Variants in PDZD2 observed in about 807,000 individuals in gnomAD.
PDZD2 encodes PDZ domain containing 2, also known as PDZ domain-containing protein 2.
PDZD2 carries 90 observed loss-of-function variants against 220.7 expected under a neutral mutation model. The ratio of observed to expected loss-of-function variants is 0.41; its 90% CI spans 0.34 to 0.49. The LOEUF (loss-of-function observed/expected upper bound fraction) is 0.49, where lower values mean the gene tolerates loss of function less well. Ranked by LOEUF, PDZD2 falls within the 20% of genes least tolerant of loss-of-function variation. The pLI is 0.28. For synonymous variants in PDZD2, 1,375 were observed against 1,450.5 expected, an observed-to-expected ratio of 0.95 and a Z score of 1.18; for missense variants, 3,174 against 3,608.5, an observed-to-expected ratio of 0.88 and a Z score of 3.08.
intron 2 of PDZD2, among the ~76,000 whole-genome samples, chr5:31,961,924 T>A (rs63269362): frequency 1.2e-3 from 22 of 19,044 alleles, no homozygotes; most frequent in Non-Finnish European, 3.3e-3. Context: ...TCTCAGCTGC[T>A]TTTTTTTACC....
chr5:31,831,494 A>C (rs1206077898), intron 2 of PDZD2, among the ~76,000 whole-genome samples: 3 of 152,170 alleles, frequency 2.0e-5, no homozygotes, highest in African/African-American at 7.2e-5. Flanking sequence ...CACGCCTATA[A>C]TCCCAGCACT....
intron 1 of PDZD2, among the ~76,000 whole-genome samples, chr5:31,771,221 C>T (rs923851009): frequency 2.6e-5 from 4 of 152,152 alleles, no homozygotes; most frequent in Admixed American, 6.6e-5. Flanking sequence ...CTGTCTGTGA[C>T]TATTTTAATA....
intron 2 of PDZD2, among the ~76,000 whole-genome samples, chr5:31,805,673 AT>A (rs570186060): frequency 6.6e-6 from 1 of 152,166 alleles, no homozygotes; most frequent in Non-Finnish European, 1.5e-5. Flanking sequence ...ACCTTAGATG[AT>A]GTTATGGGTT....
At chr5:31,688,738 T>C (rs1746971359) in intron 1 of PDZD2, among the ~76,000 whole-genome samples, 1 of 152,152 alleles carries the variant, frequency 6.6e-6, no homozygotes, top group Non-Finnish European at 1.5e-5. Flanking sequence ...CTCCCTTCCT[T>C]TTCTCCTCAA....
chr5:31,647,361 G>A (rs144630993), intron 1 of PDZD2, among the ~76,000 whole-genome samples: 355 of 152,296 alleles, frequency 2.3e-3, no homozygotes, highest in African/African-American at 6.6e-3. Context: ...TGGGGCTGCC[G>A]TCAGAAATTA....
intron 1 of PDZD2, among the ~76,000 whole-genome samples, chr5:31,769,477 G>T (rs1752219511): frequency 6.6e-6 from 1 of 152,218 alleles, no homozygotes; most frequent in Admixed American, 6.5e-5. Flanking sequence ...AAGGACAGCA[G>T]ATCAGACGTT....
Position 32,087,698 on chromosome 5 carries a change from G to T in PDZD2, c.4250G>T (p.Gly1417Val), listed in dbSNP as rs201376601. The change falls in exon 20 of 25, where the codon GGG becomes GTG. Residue 1417 changes from glycine (G) to valine (V), a missense_variant. Around this residue, in one of 4 missense-constraint regions of PDZD2, gnomAD observed 1,861 missense variants for 2,001.0 expected, o/e 0.93. Coordinates refer to ENST00000438447, the MANE Select transcript of PDZD2 (RefSeq NM_178140.4). The surrounding 1 kb of genome is among the most constrained non-coding windows in gnomAD (Gnocchi z 4.0). ...CGHVSGHCCP[G>V]GSRESPVTDI... The stretch of plus-strand genomic sequence containing the variant: ...CATGTCTCGGGGCACTGCTGCCCAG[G>T]GGGGAGTAGAGAGAGCCCTGTGACG... The T allele has an allele frequency of 3.7e-5, 60 of 1,613,946 alleles. No homozygotes were observed. The East Asian group carries it at 8.9e-4, about 24-fold the overall frequency.
intron 23 of PDZD2, chr5:32,100,635 C>T: frequency 2.8e-6 from 1 of 355,496 alleles, no homozygotes; most frequent in Admixed American, 3.8e-5. Flanking sequence ...TCCATTCTAA[C>T]AGTCTCACAT....
At position 32,083,417 on chromosome 5, in the gene PDZD2, C is replaced by A. The variant is rs565027199; in HGVS notation, c.3683-3714C>A. The A allele has an allele frequency of 6.6e-6, 1 of 152,312 alleles. No homozygotes were observed. The highest frequency in any genetic ancestry group is 2.4e-5 in the African/African-American group (1 of 41,566). The allele number at this position is 152,312 out of a possible 1,614,324, so 9.4% of individuals were successfully genotyped here. ...AAACCGCACTGCTATCCTGCAGGCTCTTCTACACCCGACATCACCTGGAGA... is the reference window on the plus strand; with the variant it reads ...AAACCGCACTGCTATCCTGCAGGCTATTCTACACCCGACATCACCTGGAGA... On this transcript the variant is annotated intron_variant, in intron 19 of 24. Coordinates refer to ENST00000438447, the MANE Select transcript of PDZD2 (RefSeq NM_178140.4). This position sits in a 1 kb window ranked among gnomAD's most constrained non-coding sequence, Gnocchi z 4.1.
At chr5:31,908,471 AG>A in intron 2 of PDZD2, 2 of 899,338 alleles carry the variant, frequency 2.2e-6, no homozygotes, top group South Asian at 3.4e-5. Flanking sequence ...TGTAGGAGAG[AG>A]GGTAACACTG....
intron 2 of PDZD2, among the ~76,000 whole-genome samples, chr5:31,877,991 T>C (rs760284577): frequency 6.6e-6 from 1 of 152,170 alleles, no homozygotes; most frequent in Non-Finnish European, 1.5e-5. Flanking sequence ...GCCTGGACTA[T>C]TTTTGTTTAT....
intron 1 of PDZD2, among the ~76,000 whole-genome samples, chr5:31,776,977 T>A (rs1752698165): frequency 6.6e-6 from 1 of 152,206 alleles, no homozygotes; most frequent in Admixed American, 6.5e-5. Flanking sequence ...CAGCACCTCC[T>A]CGGCCTCAGG....
intron 2 of PDZD2, among the ~76,000 whole-genome samples, chr5:31,863,332 T>A (rs930658760): frequency 4.6e-5 from 7 of 152,210 alleles, no homozygotes; most frequent in African/African-American, 1.4e-4. Context: ...AGCACTGATA[T>A]TTTTGTAGCT....
At chr5:31,917,646 C>CA (rs1378057888) in intron 2 of PDZD2, among the ~76,000 whole-genome samples, 1 of 152,214 alleles carries the variant, frequency 6.6e-6, no homozygotes, top group African/African-American at 2.4e-5. Context: ...AGTCTGTTCT[C>CA]ACACTACTCT....
intron 8 of PDZD2, among the ~76,000 whole-genome samples, chr5:32,051,078 T>A (rs78197302): frequency 1.3e-5 from 2 of 152,290 alleles, no homozygotes; most frequent in South Asian, 2.1e-4. Context: ...TCCTGGAAAC[T>A]CTCTGAGAGG....
chr5:31,666,023 G>C (rs941604125), intron 1 of PDZD2, among the ~76,000 whole-genome samples: 2 of 152,230 alleles, frequency 1.3e-5, no homozygotes, highest in African/African-American at 4.8e-5. Context: ...GAGAGGCAGC[G>C]TGGGCTCCCA....
At position 32,043,173 on chromosome 5, in the gene PDZD2, A is replaced by G. The variant is rs560787955; in HGVS notation, c.1520-5366A>G. Among the ~76,000 whole-genome samples the G allele has an allele frequency of 2.6e-5, 4 of 152,282 alleles. No individual in the cohort carries two copies. In the South Asian group the frequency reaches 6.2e-4, roughly 24 times the overall value. On this transcript the variant is annotated intron_variant, in intron 7 of 24. Transcript: ENST00000438447. ...GAGGGGGCGCTGGAGGGCCTCCCAG[A>G]TGTGTGATACTCTGACTCTGCTCCT... is the stretch of plus-strand genomic sequence containing the variant.
At position 32,087,662 on chromosome 5, in the gene PDZD2, A is replaced by G; in HGVS notation, c.4214A>G (p.Glu1405Gly). 1 of 1,614,132 alleles carries G rather than the reference A, an allele frequency of 6.2e-7. No individual in the cohort carries two copies. Among genetic ancestry groups the G allele is most frequent in the Non-Finnish European group, 8.5e-7 (1 of 1,180,008 alleles). ...CTGCCATCCACTGACAACACCAAAG[A>G]AGCATGTGGCCATGTCTCGGGGCAC... ...SMLPSTDNTK[E>G]ACGHVSGHCC... Residue 1405 changes from glutamate to glycine, a missense_variant, in exon 20 of 25, where the codon GAA becomes GGA. Glu to Gly is a moderately conservative substitution (Grantham distance 98). This residue lies in a region of PDZD2 where 1,861 missense variants were observed against 2,001.0 expected (regional missense o/e 0.93). Coordinates refer to ENST00000438447, the MANE Select transcript of PDZD2 (RefSeq NM_178140.4). This position sits in a 1 kb window ranked among gnomAD's most constrained non-coding sequence, Gnocchi z 4.0.
chr5:31,851,014 C>A (rs1490349571), intron 2 of PDZD2, among the ~76,000 whole-genome samples: 1 of 152,094 alleles, frequency 6.6e-6, no homozygotes, highest in Non-Finnish European at 1.5e-5. Flanking sequence ...GGTCGGTATC[C>A]TCTTTATAAT....
Sources: allele counts gnomAD v4.1 joint callset (sites outside exome capture counted in the v4.1 genomes callset), GRCh38; gene constraint gnomAD v4.1.1; regional missense constraint gnomAD v4.1.1; non-coding constraint Gnocchi (gnomAD v3.1); transcripts MANE v1.5; gene names NCBI Gene and HGNC (gene_info 2026-07-23, HGNC 2026-07-21).